Variants in LTBP2 observed in about 807,000 individuals in gnomAD.
LTBP2 encodes latent transforming growth factor beta binding protein 2, also known as latent-transforming growth factor beta-binding protein 2.
LTBP2 carries 103 observed loss-of-function variants against 210.6 expected under a neutral mutation model. That is an observed-to-expected ratio of 0.49 (90% CI 0.42 to 0.58). The LOEUF is 0.58. Ranked by LOEUF, LTBP2 falls within the 20% of genes least tolerant of loss-of-function variation. The pLI is 0.00. For synonymous variants in LTBP2, 1,007 were observed against 1,015.0 expected, an observed-to-expected ratio of 0.99 and a Z score of 0.15; for missense variants, 2,313 against 2,494.5, an observed-to-expected ratio of 0.93 and a Z score of 1.55.
At position 74,498,932 on chromosome 14, in the gene LTBP2, A is replaced by G. The variant is rs917820749; in HGVS notation, c.*1952T>C. ...AATTAATTGTTTCTAATCTTTAGCT[A>G]TTACAAATGATGCAGTAATAACTTC... On this transcript the variant is annotated 3_prime_UTR_variant, in exon 36 of 36. Coordinates refer to ENST00000261978, the MANE Select transcript of LTBP2 (RefSeq NM_000428.3). 1 of 224,990 alleles carries G rather than the reference A, an allele frequency of 4.4e-6. No homozygotes were observed. Among genetic ancestry groups the G allele is most frequent in the Non-Finnish European group, 8.8e-6 (1 of 113,000 alleles). 13.9% of individuals were successfully genotyped at this position (224,990 alleles called of 1,614,324 possible). A position where few individuals can be genotyped will look rare whatever the true frequency, so the allele number is the denominator to read the frequency against.
At chr14:74,551,891 T>C (rs766449600) in intron 6 of LTBP2, among the ~76,000 whole-genome samples, 1 of 152,170 alleles carries the variant, frequency 6.6e-6, no homozygotes, top group Non-Finnish European at 1.5e-5. Context: ...ATTCTCCCTC[T>C]ATTACCCAGG....
At chr14:74,552,156 G>A in intron 6 of LTBP2, 31 bp downstream of exon 6, 2 of 1,558,298 alleles carry the variant, frequency 1.3e-6, no homozygotes, top group Admixed American at 3.8e-5. Flanking sequence ...TCCTCCCAGG[G>A]TCCCGCCGGC....
intron 3 of LTBP2, among the ~76,000 whole-genome samples, chr14:74,578,318 C>T (rs543093057): frequency 4.6e-5 from 7 of 152,294 alleles, no homozygotes; most frequent in African/African-American, 9.6e-5. Flanking sequence ...AGACACCCCG[C>T]GAATCGTGCT....
At chr14:74,552,758 T>C (rs2087677228) in intron 5 of LTBP2, 134 bp downstream of exon 5, 1 of 1,148,412 alleles carries the variant, frequency 8.7e-7, no homozygotes, top group African/African-American at 1.5e-5. Context: ...AGGACTCAGC[T>C]CCCCATGTGA....
chr14:74,540,497 G>A (rs1469181299), intron 8 of LTBP2, among the ~76,000 whole-genome samples: 1 of 151,210 alleles, frequency 6.6e-6, no homozygotes, highest in East Asian at 2.0e-4. Flanking sequence ...AAGGCGCAGT[G>A]GCTCACGCCT....
intron 9 of LTBP2, among the ~76,000 whole-genome samples, chr14:74,534,854 C>T (rs766944852): frequency 2.6e-5 from 4 of 151,990 alleles, no homozygotes; most frequent in South Asian, 4.2e-4. Flanking sequence ...GGCAGGGCCT[C>T]CTGAGGGAAG....
rs1054710375 is a variant in LTBP2, at chr14:74,511,099, G to A, written c.3028+146C>T. 46 of 1,297,868 alleles carry A rather than the reference G, an allele frequency of 3.5e-5. No individual in the cohort carries two copies. The East Asian group carries it at 6.5e-4, about 18-fold the overall frequency. 80.4% of individuals were successfully genotyped at this position (1,297,868 alleles called of 1,614,324 possible). On this transcript the variant is annotated intron_variant, in intron 19 of 35. Coordinates refer to ENST00000261978, the MANE Select transcript of LTBP2 (RefSeq NM_000428.3). ...AGAGCCCTGGCGACTCATGCCCAGC[G>A]TCATCTGGGAACCCAGCTAGATCAT...
rs1281055223 is a variant in LTBP2 at position 74,552,440 on chromosome 14, A to AC, written c.1193-48dup. On this transcript the variant is annotated intron_variant, in intron 5 of 35. Transcript: ENST00000261978. The stretch of plus-strand genomic sequence containing the variant: ...TAACCAGCGGTGGAAGAACAGCAGC[A>AC]CCCGCTCTGTGGCTGGTGACCACCA... The AC allele has an allele frequency of 1.9e-6, 3 of 1,549,804 alleles. No homozygotes were observed. In the Admixed American group the frequency reaches 5.0e-5, roughly 26 times the overall value.
At position 74,500,949 on chromosome 14, in the gene LTBP2, G is replaced by A. The variant is rs775623880; in HGVS notation, c.5401C>T (p.Arg1801Cys). 3.1e-6 allele frequency: 5 copies of A among 1,614,168 alleles called. No individual in the cohort carries two copies. Among genetic ancestry groups the A allele is most frequent in the Non-Finnish European group, 4.2e-6 (5 of 1,180,018 alleles). ...ACATATCCCGGGGAGCAGTGGCAGC[G>A]GTAGGAGCCCTCTGTGTTCTCGCAG... ...GYCENTEGSY[R>C]CHCSPGYVAE... The change falls in exon 36 of 36, where the codon CGC becomes TGC. Residue 1801 changes from arginine to cysteine, a missense_variant. By Grantham distance (180) the Arg-to-Cys change is radical. Coordinates refer to ENST00000261978, the MANE Select transcript of LTBP2 (RefSeq NM_000428.3).
chr14:74,570,994 T>C (rs917966424), intron 3 of LTBP2, among the ~76,000 whole-genome samples: 7 of 149,260 alleles, frequency 4.7e-5, no homozygotes, highest in African/African-American at 1.5e-4. Flanking sequence ...TTTGAACAAA[T>C]GTACAGAACC....
rs552944031 is a variant in LTBP2, at chr14:74,600,459, A to C, written c.565+3176T>G. ...CCCACTGGGGCACAAGGATGCCCCC[A>C]CACACATGCACTGGTACTGTAACAG... On this transcript the variant is annotated intron_variant, in intron 2 of 35. Transcript: ENST00000261978. 5.3e-5 allele frequency among the ~76,000 whole-genome samples: 8 copies of C among 152,272 alleles called. No individual in the cohort carries two copies. In the East Asian group the frequency reaches 1.2e-3, roughly 22 times the overall value.
Position 74,508,679 on chromosome 14 carries a change from G to A in LTBP2, c.3577C>T (p.Leu1193Phe). ...CAGAAGAAAGACCCGTGGCTGTTGA[G>A]GCACTCGCCGTGGGGTGCGCAGTGC... ...EEHCAPHGEC[L>F]NSHGSFFCLC... is the part of the protein sequence containing the mutation. Residue 1193 changes from leucine to phenylalanine, a missense_variant, in exon 24 of 36, where the codon CTC becomes TTC. Around this residue, in one of 3 missense-constraint regions of LTBP2, gnomAD observed 1,867 missense variants for 1,976.9 expected, o/e 0.94. Coordinates refer to ENST00000261978, the MANE Select transcript of LTBP2 (RefSeq NM_000428.3). 6.2e-7 allele frequency: 1 copy of A among 1,613,642 alleles called. No homozygotes were observed. Among genetic ancestry groups the A allele is most frequent in the African/African-American group, 1.3e-5 (1 of 75,038 alleles).
intron 3 of LTBP2, among the ~76,000 whole-genome samples, chr14:74,573,884 T>C (rs1190284878): frequency 6.6e-6 from 1 of 152,152 alleles, no homozygotes; most frequent in Non-Finnish European, 1.5e-5. Flanking sequence ...GTATCATCAG[T>C]CTTTCACATT....
chr14:74,516,138 C>T (rs2087131570), intron 18 of LTBP2, among the ~76,000 whole-genome samples: 1 of 152,232 alleles, frequency 6.6e-6, no homozygotes, highest in Admixed American at 6.5e-5. Flanking sequence ...TGGATTTACC[C>T]TCATTTCTTC....
At position 74,523,044 on chromosome 14, in the gene LTBP2, T is replaced by C; in HGVS notation, c.2531-126A>G. 2.6e-6 allele frequency: 3 copies of C among 1,150,858 alleles called. No individual in the cohort carries two copies. The South Asian group carries it at 4.3e-5, about 17-fold the overall frequency. 71.3% of individuals were successfully genotyped at this position (1,150,858 alleles called of 1,614,324 possible). ...CAGAAGGCCAACCTTAGCCAGGCCCTCCCTCCCATACCCATGCACAGCTTG... is the reference window on the plus strand; with the variant it reads ...CAGAAGGCCAACCTTAGCCAGGCCCCCCCTCCCATACCCATGCACAGCTTG... On this transcript the variant is annotated intron_variant, in intron 15 of 35. Transcript: ENST00000261978.
At chr14:74,599,280 A>G (rs2088412431) in intron 2 of LTBP2, among the ~76,000 whole-genome samples, 1 of 152,220 alleles carries the variant, frequency 6.6e-6, no homozygotes, top group African/African-American at 2.4e-5. Context: ...CAGGAGTGGG[A>G]GAGTAACTTG....
intron 16 of LTBP2, 75 bp from the exon 17 acceptor site, chr14:74,522,114 C>G (rs2087212339): frequency 6.6e-7 from 1 of 1,526,496 alleles, no homozygotes; most frequent in Non-Finnish European, 8.9e-7. Flanking sequence ...CAGCAACCTG[C>G]CCACACTAGG....
In LTBP2 at chr14:74,597,452, C is replaced by T. The variant is rs141156883; in HGVS notation, c.565+6183G>A. Among the ~76,000 whole-genome samples the T allele has an allele frequency of 5.0e-3, 755 of 152,242 alleles. 7 individuals carry two copies. The highest frequency in any genetic ancestry group is 0.017 in the African/African-American group (726 of 41,530). ...AGCTGGGGATGGAGGGAGGAAACTGCCAGCCACCCATGCCATCATTTCCCC... is the reference window on the plus strand; with the variant it reads ...AGCTGGGGATGGAGGGAGGAAACTGTCAGCCACCCATGCCATCATTTCCCC... On this transcript the variant is annotated intron_variant, in intron 2 of 35. Transcript: ENST00000261978.
intron 8 of LTBP2, among the ~76,000 whole-genome samples, chr14:74,540,848 T>TTATATATATTTATATATATTA (rs1566630042): frequency 0.011 from 725 of 68,704 alleles, 78 homozygotes; most frequent in Non-Finnish European, 0.017. Flanking sequence ...TTTATATATA[T>TTATATATATTTATATATATTA]TATATATATT....
Sources: allele counts gnomAD v4.1 joint callset (sites outside exome capture counted in the v4.1 genomes callset), GRCh38; gene constraint gnomAD v4.1.1; regional missense constraint gnomAD v4.1.1; transcripts MANE v1.5; gene names NCBI Gene and HGNC (gene_info 2026-07-23, HGNC 2026-07-21).